SPATA13: variants seen among roughly 807,000 people sequenced by gnomAD.
SPATA13 encodes spermatogenesis-associated protein 13.
SPATA13 carries 50 observed loss-of-function variants against 104.0 expected under a neutral mutation model. That is an observed-to-expected ratio of 0.48 (90% CI 0.38 to 0.61). The LOEUF (loss-of-function observed/expected upper bound fraction) is 0.61, where lower values mean the gene tolerates loss of function less well. Ranked by LOEUF, SPATA13 falls within the 20% of genes least tolerant of loss-of-function variation. The pLI is 0.00. For missense variants in SPATA13, 1,524 were observed against 1,690.6 expected, an observed-to-expected ratio of 0.90 and a Z score of 1.73; for synonymous variants, 606 against 667.5, an observed-to-expected ratio of 0.91 and a Z score of 1.42.
chr13:24,114,289 T>C (rs921092263), intron 3 of SPATA13, among the ~76,000 whole-genome samples: 1 of 150,834 alleles, frequency 6.6e-6, no homozygotes, highest in African/African-American at 2.4e-5. Flanking sequence ...TCTTTCTCAT[T>C]GCTTTCTGAG....
At chr13:24,070,403 G>A (rs1232329000) in intron 3 of SPATA13, among the ~76,000 whole-genome samples, 1 of 152,170 alleles carries the variant, frequency 6.6e-6, no homozygotes, top group African/African-American at 2.4e-5. Flanking sequence ...CAATTGAAAG[G>A]AAGAGAGAGA....
At chr13:24,198,611 T>C (rs546941681) in intron 1 of SPATA13, among the ~76,000 whole-genome samples, 2 of 152,344 alleles carry the variant, frequency 1.3e-5, no homozygotes, top group East Asian at 3.9e-4. Flanking sequence ...TACATCAGTT[T>C]CTAGATAAAT....
In SPATA13 at chr13:24,003,438, C is replaced by T. The variant is rs117112588; in HGVS notation, c.-146-14229C>T. ...ACACAGGAAAGGGTACTGTGCATGT[C>T]TTCATGAGGAACCTGAATTAAGGCT... On this transcript the variant is annotated intron_variant, in intron 2 of 14. Transcript: ENST00000424834. Among the ~76,000 whole-genome samples the T allele has an allele frequency of 1.1e-4, 16 of 152,278 alleles. No individual in the cohort carries two copies. In the East Asian group the frequency reaches 3.1e-3, roughly 29 times the overall value.
At chr13:24,285,137 G>A (rs79317645) in intron 5 of SPATA13, among the ~76,000 whole-genome samples, 24 of 152,128 alleles carry the variant, frequency 1.6e-4, no homozygotes, top group Non-Finnish European at 2.6e-4. Flanking sequence ...ATCGTTGGGC[G>A]CTAAGGAGAT....
At chr13:23,984,258 T>C (rs1374884632) in intron 2 of SPATA13, among the ~76,000 whole-genome samples, 1 of 152,234 alleles carries the variant, frequency 6.6e-6, no homozygotes, top group Non-Finnish European at 1.5e-5. Context: ...AAGAAGAAGG[T>C]TCCAGAGTCT....
chr13:24,202,146 C>T (rs575251551), intron 1 of SPATA13, among the ~76,000 whole-genome samples: 3 of 152,114 alleles, frequency 2.0e-5, no homozygotes, highest in African/African-American at 4.8e-5. Context: ...CTCCTATATT[C>T]GTTGATACAT....
intron 2 of SPATA13, among the ~76,000 whole-genome samples, chr13:24,013,068 G>T (rs947589486): frequency 6.6e-6 from 1 of 152,178 alleles, no homozygotes; most frequent in Non-Finnish European, 1.5e-5. Context: ...TACCCCACTG[G>T]CTGCAGCCCA....
chr13:24,123,744 T>A (rs1401739622), intron 3 of SPATA13: 3 of 1,481,942 alleles, frequency 2.0e-6, no homozygotes, highest in Non-Finnish European at 2.8e-6. Flanking sequence ...AAAAATAACA[T>A]CTTGGATAAT....
At chr13:24,188,875 T>C (rs1480612104) in intron 1 of SPATA13, among the ~76,000 whole-genome samples, 1 of 152,178 alleles carries the variant, frequency 6.6e-6, no homozygotes, top group Non-Finnish European at 1.5e-5. Context: ...TGTGCTCATT[T>C]ACCATTCTGA....
At chr13:24,151,316 A>T (rs919257042) in intron 3 of SPATA13, among the ~76,000 whole-genome samples, 7 of 152,172 alleles carry the variant, frequency 4.6e-5, no homozygotes, top group African/African-American at 1.7e-4. Flanking sequence ...GGGGCTGAGG[A>T]CCCGGAACCA....
chr13:24,120,543 C>T (rs183491318), intron 3 of SPATA13, among the ~76,000 whole-genome samples: 430 of 152,334 alleles, frequency 2.8e-3, no homozygotes, highest in Admixed American at 4.3e-3. Context: ...CTACACCACT[C>T]ACTAGCTGCC....
At chr13:24,275,705 A>G (rs1429784276) in intron 4 of SPATA13, among the ~76,000 whole-genome samples, 3 of 152,244 alleles carry the variant, frequency 2.0e-5, no homozygotes, top group African/African-American at 7.2e-5. Context: ...AAGCCAAGGC[A>G]GGTGGATCAC....
At chr13:23,997,440 A>G (rs1875749569) in intron 2 of SPATA13, among the ~76,000 whole-genome samples, 1 of 152,236 alleles carries the variant, frequency 6.6e-6, no homozygotes, top group Admixed American at 6.5e-5. Flanking sequence ...GAAATCATAT[A>G]CTATGAAATC....
At chr13:24,203,812 T>C (rs1870552981) in intron 1 of SPATA13, among the ~76,000 whole-genome samples, 2 of 152,306 alleles carry the variant, frequency 1.3e-5, no homozygotes, top group South Asian at 2.1e-4. Context: ...AAATTTACTT[T>C]GCAGACATCC....
chr13:24,039,797 G>A (rs1340577460), intron 3 of SPATA13, among the ~76,000 whole-genome samples: 1 of 152,142 alleles, frequency 6.6e-6, no homozygotes, highest in Admixed American at 6.6e-5. Flanking sequence ...CCAGAACTTG[G>A]TTTAAGAACA....
At chr13:24,233,822 C>T (rs1169044311) in intron 2 of SPATA13, among the ~76,000 whole-genome samples, 1 of 151,818 alleles carries the variant, frequency 6.6e-6, no homozygotes, top group Non-Finnish European at 1.5e-5. Flanking sequence ...GGATGCAAGC[C>T]AAAGCTGCGG....
At chr13:24,279,892 C>T (rs9318448) in intron 4 of SPATA13, among the ~76,000 whole-genome samples, 78 of 152,272 alleles carry the variant, frequency 5.1e-4, no homozygotes, top group South Asian at 1.9e-3. Flanking sequence ...TGAGTCAGCC[C>T]ACCCATGAGC....
intron 3 of SPATA13, among the ~76,000 whole-genome samples, chr13:24,021,463 A>G (rs778116315): frequency 6.6e-5 from 10 of 152,232 alleles, no homozygotes; most frequent in Non-Finnish European, 1.3e-4. Context: ...ACTCTACTCC[A>G]GTCTGGGTGA....
chr13:24,251,019 A>C (rs1181781992), intron 3 of SPATA13, among the ~76,000 whole-genome samples: 1 of 152,256 alleles, frequency 6.6e-6, no homozygotes, highest in Non-Finnish European at 1.5e-5. Context: ...GTAATAAACA[A>C]AAGAAGAAAA....
Sources: allele counts gnomAD v4.1 joint callset (sites outside exome capture counted in the v4.1 genomes callset), GRCh38; gene constraint gnomAD v4.1.1; transcripts MANE v1.5; gene names NCBI Gene and HGNC (gene_info 2026-07-23, HGNC 2026-07-21).